Variants in SLC24A3 observed in about 807,000 individuals in gnomAD.
SLC24A3 encodes the protein sodium/potassium/calcium exchanger 3.
Under a neutral mutation model 75.8 loss-of-function variants are expected in SLC24A3, and 28 were observed. The ratio of observed to expected loss-of-function variants is 0.37; its 90% CI spans 0.27 to 0.51. The LOEUF is 0.51. Ranked by LOEUF, SLC24A3 falls within the 20% of genes least tolerant of loss-of-function variation. SLC24A3 has a pLI of 0.94. For missense variants in SLC24A3, 663 were observed against 847.8 expected, an observed-to-expected ratio of 0.78 and a Z score of 2.71; for synonymous variants, 372 against 334.1, an observed-to-expected ratio of 1.11 and a Z score of -1.24.
chr20:19,536,446 C>T (rs1000653388), intron 3 of SLC24A3, among the ~76,000 whole-genome samples: 8 of 152,112 alleles, frequency 5.3e-5, no homozygotes, highest in African/African-American at 1.2e-4. Context: ...GTAGGCCATA[C>T]TGCCCAAGGT....
intron 3 of SLC24A3, among the ~76,000 whole-genome samples, chr20:19,541,863 G>C (rs952955787): frequency 6.6e-6 from 1 of 152,174 alleles, no homozygotes; most frequent in African/African-American, 2.4e-5. Flanking sequence ...ATCCTTACCT[G>C]TAATTAATTA....
chr20:19,563,604 C>A (rs2030912546), intron 3 of SLC24A3, among the ~76,000 whole-genome samples: 1 of 152,166 alleles, frequency 6.6e-6, no homozygotes, highest in Non-Finnish European at 1.5e-5. Context: ...GATTACGAGC[C>A]TGCTGGCGTC....
chr20:19,286,394 T>C (rs1366774886), intron 2 of SLC24A3, among the ~76,000 whole-genome samples: 1 of 151,894 alleles, frequency 6.6e-6, no homozygotes, highest in South Asian at 2.1e-4. Flanking sequence ...AAAACATGCG[T>C]TCAGGGTACT....
intron 3 of SLC24A3, among the ~76,000 whole-genome samples, chr20:19,565,099 C>A (rs1424321405): frequency 6.6e-6 from 1 of 152,218 alleles, no homozygotes. Flanking sequence ...GCCAACACAC[C>A]CGGCTTCCAT....
intron 2 of SLC24A3, among the ~76,000 whole-genome samples, chr20:19,494,761 T>G (rs1226561204): frequency 2.0e-5 from 3 of 152,132 alleles, no homozygotes; most frequent in Non-Finnish European, 4.4e-5. Flanking sequence ...GAGGCAAATC[T>G]TGCTCTGGCC....
chr20:19,494,494 T>C (rs1569676), intron 2 of SLC24A3, among the ~76,000 whole-genome samples: 103,169 of 152,058 alleles, frequency 0.68, 36,223 homozygotes, highest in African/African-American at 0.87. Context: ...AAAACCCTTC[T>C]AGAATCCTTC....
chr20:19,677,918 A>C (rs1269178111), intron 9 of SLC24A3, among the ~76,000 whole-genome samples: 2 of 151,400 alleles, frequency 1.3e-5, no homozygotes, highest in African/African-American at 4.9e-5. Context: ...CTTAACGAGC[A>C]TGCTGCCTTC....
intron 15 of SLC24A3, among the ~76,000 whole-genome samples, chr20:19,704,994 C>T (rs2032913722): frequency 6.6e-6 from 1 of 152,234 alleles, no homozygotes; most frequent in Admixed American, 6.5e-5. Flanking sequence ...GCACTGACAA[C>T]TATTGCCAAA....
chr20:19,386,133 T>C (rs1202665577), intron 2 of SLC24A3, among the ~76,000 whole-genome samples: 2 of 152,248 alleles, frequency 1.3e-5, no homozygotes, highest in African/African-American at 4.8e-5. Context: ...GGACTTTTTC[T>C]CTCTTAGGTT....
At chr20:19,621,123 A>G (rs1248781769) in intron 6 of SLC24A3, among the ~76,000 whole-genome samples, 1 of 152,258 alleles carries the variant, frequency 6.6e-6, no homozygotes, top group Non-Finnish European at 1.5e-5. Context: ...GGCAAATAGC[A>G]TAATTTCCAG....
chr20:19,639,488 T>C (rs547509314), intron 6 of SLC24A3, among the ~76,000 whole-genome samples: 3 of 152,310 alleles, frequency 2.0e-5, no homozygotes, highest in Admixed American at 6.5e-5. Flanking sequence ...AGAGTGCCCA[T>C]TGGTGTATTT....
chr20:19,541,151 C>A (rs993626214), intron 3 of SLC24A3, among the ~76,000 whole-genome samples: 1 of 152,236 alleles, frequency 6.6e-6, no homozygotes, highest in African/African-American at 2.4e-5. Flanking sequence ...TTAAACCTTA[C>A]AGCAAGATGT....
At chr20:19,512,008 T>A (rs530308803) in intron 2 of SLC24A3, among the ~76,000 whole-genome samples, 114 of 152,138 alleles carry the variant, frequency 7.5e-4, no homozygotes, top group Non-Finnish European at 1.5e-3. Context: ...CACATTCAAC[T>A]CGGTGAGGAG....
At chr20:19,527,876 G>A (rs1365626100) in intron 3 of SLC24A3, among the ~76,000 whole-genome samples, 1 of 152,114 alleles carries the variant, frequency 6.6e-6, no homozygotes, top group African/African-American at 2.4e-5. Flanking sequence ...TTTTATTTCA[G>A]CAGCCAAATT....
chr20:19,447,560 A>G (rs1987408026), intron 2 of SLC24A3, among the ~76,000 whole-genome samples: 4 of 152,204 alleles, frequency 2.6e-5, no homozygotes, highest in African/African-American at 9.7e-5. Flanking sequence ...ACATATACAC[A>G]CACACAAAAT....
chr20:19,480,250 T>A (rs1988031899), intron 2 of SLC24A3, among the ~76,000 whole-genome samples: 1 of 152,320 alleles, frequency 6.6e-6, no homozygotes, highest in Middle Eastern at 3.4e-3. Context: ...GGCCTTAAGA[T>A]GAGTGAGCTA....
chr20:19,347,085 T>C (rs1490592797), intron 2 of SLC24A3, among the ~76,000 whole-genome samples: 4 of 152,196 alleles, frequency 2.6e-5, no homozygotes, highest in Non-Finnish European at 4.4e-5. Context: ...GAACTTTTAA[T>C]GCATATTGCT....
At chr20:19,692,133 A>G (rs2032751338) in intron 12 of SLC24A3, among the ~76,000 whole-genome samples, 1 of 152,248 alleles carries the variant, frequency 6.6e-6, no homozygotes, top group Non-Finnish European at 1.5e-5. Flanking sequence ...ATTTTATTAA[A>G]CATTTAATTA....
intron 2 of SLC24A3, among the ~76,000 whole-genome samples, chr20:19,386,217 ATAGT>A (rs1419593213): frequency 6.6e-6 from 1 of 152,122 alleles, no homozygotes; most frequent in Non-Finnish European, 1.5e-5. Flanking sequence ...TCTTTCTCAG[ATAGT>A]TTGTTGTTAA....
Sources: allele counts gnomAD v4.1 joint callset (sites outside exome capture counted in the v4.1 genomes callset), GRCh38; gene constraint gnomAD v4.1.1; transcripts MANE v1.5; gene names NCBI Gene and HGNC (gene_info 2026-07-23, HGNC 2026-07-21).